ERCC5: variants seen among roughly 807,000 people sequenced by gnomAD.
The protein encoded by ERCC5 is ERCC excision repair 5, endonuclease, also known as DNA excision repair protein ERCC-5.
ERCC5 carries 68 observed loss-of-function variants against 105.6 expected under a neutral mutation model. That is an observed-to-expected ratio of 0.64 (90% CI 0.53 to 0.79). ERCC5 has a LOEUF of 0.79. ERCC5 is among the 30% of genes least tolerant of loss of function. The pLI, the probability that ERCC5 is intolerant of heterozygous loss-of-function variation, is 0.00. For missense variants in ERCC5, 1,373 were observed against 1,426.7 expected (o/e 0.96, Z 0.61); for synonymous variants, 546 against 526.2 (o/e 1.04, Z -0.51).
chr13:102,862,036 A>C lies in ERCC5; in HGVS notation c.887A>C (p.Gln296Pro). The C allele has an allele frequency of 6.2e-7, 1 of 1,614,256 alleles. No homozygotes were observed. The highest frequency in any genetic ancestry group is 8.5e-7 in the Non-Finnish European group (1 of 1,180,044). Reference protein sequence around the residue: ...TSHYILIKGIQAKTVAEVDSE... With the variant: ...TSHYILIKGIPAKTVAEVDSE... ...TGTTTTAATTCTTCTTAAGGTATTC[A>C]AGCTAAGACAGTTGCAGAAGTGGAT... The change falls in exon 8 of 15, where the codon CAA (glutamine) becomes CCA (proline). Residue 296 changes from glutamine (Q) to proline (P), a missense_variant. Around this residue, in one of 3 missense-constraint regions of ERCC5, gnomAD observed 1,004 missense variants for 1,059.7 expected, o/e 0.95. Transcript: ENST00000652225.
Position 102,875,448 on chromosome 13 carries a change from G to A in ERCC5, c.3106G>A (p.Ala1036Thr), listed in dbSNP as rs144208043. The A allele has an allele frequency of 1.2e-3, 2,001 of 1,614,188 alleles. 1 individual carries two copies. The highest frequency in any genetic ancestry group is 1.6e-3 in the Non-Finnish European group (1,884 of 1,180,034). The part of the protein sequence containing the change: ...EKEAAASEIE[A>T]VSVAMEKEFE... ...AGAAGCAGCAGCCAGCGAAATAGAA[G>A]CAGTTTCTGTTGCCATGGAGAAAGA... Residue 1036 changes from alanine (A) to threonine (T), a missense_variant, in exon 15 of 15, where the codon GCA becomes ACA. Around this residue, in one of 3 missense-constraint regions of ERCC5, gnomAD observed 367 missense variants for 350.2 expected, o/e 1.05. Transcript: ENST00000652225.
chr13:102,866,587 G>GC lies in ERCC5; in HGVS notation c.2320-44dup, dbSNP rs752111384. 7.3e-5 allele frequency: 117 copies of GC among 1,610,248 alleles called. No homozygotes were observed. In the Admixed American group the frequency reaches 1.9e-3, roughly 26 times the overall value. On this transcript the variant is annotated intron_variant, in intron 10 of 14. Coordinates refer to ENST00000652225, the MANE Select transcript of ERCC5 (RefSeq NM_000123.4). ...CTGCTCCCCCTGTGCTCAGGGCCTG[G>GC]CGGTGCCCTTCCCTGGGCGTCACTG...
intron 3 of ERCC5, 111 bp from the exon 4 acceptor site, chr13:102,854,177 C>T (rs561956952): frequency 4.2e-5 from 49 of 1,166,766 alleles, no homozygotes; most frequent in African/African-American, 1.1e-4. Context: ...TCCTTTCTCT[C>T]GGCTGCATTT....
chr13:102,846,099 C>T lies in ERCC5; in HGVS notation c.-168C>T. The T allele has an allele frequency of 3.2e-6, 2 of 618,152 alleles. No individual in the cohort carries two copies. The highest frequency in any genetic ancestry group is 5.6e-5 in the Admixed American group (2 of 35,934). The allele number at this position is 618,152 out of a possible 1,614,324, so 38.3% of individuals were successfully genotyped here. ...GAGTCTCTCCGCTTTAATGCGCTCC[C>T]ATTAGTGCCGTCCCCCACTGGAAAA... On this transcript the variant is annotated 5_prime_UTR_variant, in exon 1 of 15. Coordinates refer to ENST00000652225, the MANE Select transcript of ERCC5 (RefSeq NM_000123.4).
chr13:102,871,271 G>A (rs979959703), intron 12 of ERCC5, among the ~76,000 whole-genome samples: 11 of 152,220 alleles, frequency 7.2e-5, no homozygotes, highest in Non-Finnish European at 1.2e-4. Context: ...CACGGCTTGA[G>A]TCACACTGGT....
At chr13:102,873,124 A>T in intron 13 of ERCC5, 135 bp from the exon 14 acceptor site, 1 of 949,216 alleles carries the variant, frequency 1.1e-6, no homozygotes, top group Non-Finnish European at 1.6e-6. Context: ...ACTTTCTTTT[A>T]GCACTCTAAT....
At chr13:102,846,504 A>G (rs1228592736) in intron 1 of ERCC5, 150 bp downstream of exon 1, 1 of 721,206 alleles carries the variant, frequency 1.4e-6, no homozygotes, top group South Asian at 1.6e-5. Flanking sequence ...TAGGTTTTCT[A>G]AGTACAGTCG....
chr13:102,849,265 C>T, intron 1 of ERCC5: 1 of 518,128 alleles, frequency 1.9e-6, no homozygotes, highest in South Asian at 1.4e-5. Context: ...TATTGTAACT[C>T]ATTTTAGAAC....
At chr13:102,861,971 A>G (rs1290128628) in intron 7 of ERCC5, 59 bp from the exon 8 acceptor site, 12 of 1,592,764 alleles carry the variant, frequency 7.5e-6, no homozygotes, top group Non-Finnish European at 8.6e-6. Context: ...CCATCTTACT[A>G]GAAGCGTATT....
Position 102,866,716 on chromosome 13 carries a change from C to G in ERCC5, c.2404C>G (p.Gln802Glu). ...AQCAILDLTDQTSGTITDDSD... is the reference protein window; with the variant it reads ...AQCAILDLTDETSGTITDDSD... ...GTGCGCCATCCTGGACCTGACTGAT[C>G]AGACTTCCGGAACCATCACTGATGA... Residue 802 changes from glutamine (Q) to glutamate (E), a missense_variant, in exon 11 of 15, where the codon CAG becomes GAG. Physicochemically the swap from Gln to Glu is conservative, Grantham distance 29. Transcript: ENST00000652225. The G allele has an allele frequency of 1.2e-6, 2 of 1,614,264 alleles. No homozygotes were observed. Among genetic ancestry groups the G allele is most frequent in the Non-Finnish European group, 1.7e-6 (2 of 1,180,054 alleles).
At chr13:102,856,321 C>A (rs1420403011) in intron 5 of ERCC5, among the ~76,000 whole-genome samples, 1 of 151,372 alleles carries the variant, frequency 6.6e-6, no homozygotes, top group Non-Finnish European at 1.5e-5. Context: ...ATGGAATTTG[C>A]CATTATGCAC....
intron 3 of ERCC5, 95 bp from the exon 4 acceptor site, chr13:102,854,193 C>T: frequency 7.6e-7 from 1 of 1,310,244 alleles, no homozygotes; most frequent in Non-Finnish European, 1.1e-6. Context: ...CATTTATTTT[C>T]CACAGCAGTG....
rs1190190828 is a variant in ERCC5, at chr13:102,862,329, G to T, written c.1180G>T (p.Ala394Ser). Reference protein sequence around the residue: ...SPRTLSAIKRALDDDEDVKVC... With the variant: ...SPRTLSAIKRSLDDDEDVKVC... The stretch of plus-strand genomic sequence containing the variant: ...CCGGACTCTTTCAGCCATTAAGAGA[G>T]CTCTTGACGATGACGAAGATGTAAA... The change falls in exon 8 of 15, where the codon GCT becomes TCT. Residue 394 changes from alanine (A) to serine (S), a missense_variant. This residue lies in a region of ERCC5 where 1,004 missense variants were observed against 1,059.7 expected (regional missense o/e 0.95). Coordinates refer to ENST00000652225, the MANE Select transcript of ERCC5 (RefSeq NM_000123.4). The T allele has an allele frequency of 6.2e-7, 1 of 1,614,182 alleles. No individual in the cohort carries two copies.
Position 102,875,248 on chromosome 13 carries a change from T to C in ERCC5, c.2965-59T>C, listed in dbSNP as rs560603244. The stretch of plus-strand genomic sequence containing the variant: ...ATCAAGGTTGAGCTTGTTGATTTGG[T>C]TTAGAAACTTGACTTACTTGTCTGA... On this transcript the variant is annotated intron_variant, in intron 14 of 14. Transcript: ENST00000652225. 6.9e-5 allele frequency: 108 copies of C among 1,571,136 alleles called. No homozygotes were observed. The South Asian group carries it at 1.2e-3, about 17-fold the overall frequency.
In ERCC5 at chr13:102,858,369, T is replaced by A. The variant is rs748448875; in HGVS notation, c.623T>A (p.Met208Lys). The change falls in exon 6 of 15, where the codon ATG (methionine) becomes AAG (lysine). Residue 208 changes from methionine (M) to lysine (K), a missense_variant. Transcript: ENST00000652225. ...GTAAAGCATGAAATCTTGACTGATA[T>A]GAAAGAGTTCACCAAGCGCAGAAGA... ...PEVKHEILTD[M>K]KEFTKRRRTL... 6.2e-7 allele frequency: 1 copy of A among 1,614,040 alleles called. No individual in the cohort carries two copies. The highest frequency in any genetic ancestry group is 1.3e-5 in the African/African-American group (1 of 74,938).
At chr13:102,849,230 CACT>C (rs747753461) in intron 1 of ERCC5, 68 of 518,638 alleles carry the variant, frequency 1.3e-4, no homozygotes, top group Admixed American at 1.2e-3. Flanking sequence ...TGGTCTCCAC[CACT>C]ACTGTCTGCG....
chr13:102,870,196 G>C (rs1325771339), intron 12 of ERCC5, among the ~76,000 whole-genome samples: 1 of 152,170 alleles, frequency 6.6e-6, no homozygotes, highest in Non-Finnish European at 1.5e-5. Flanking sequence ...AGTCACATTT[G>C]GTTTGGACTA....
In ERCC5 at chr13:102,865,294, A is replaced by C; in HGVS notation, c.1955-373A>C. On this transcript the variant is annotated intron_variant, in intron 8 of 14. Transcript: ENST00000652225. The surrounding 1 kb of genome is among the most constrained non-coding windows in gnomAD (Gnocchi z 4.0). ...CACAGCTTTATTCTGTGCTGTGTAA[A>C]TAGCATAAAAACATACTGAGCAACT... The C allele has an allele frequency of 6.1e-6, 2 of 326,658 alleles. No homozygotes were observed. Among genetic ancestry groups the C allele is most frequent in the East Asian group, 1.6e-4 (2 of 12,258 alleles). The allele number at this position is 326,658 out of a possible 1,614,324, so 20.2% of individuals were successfully genotyped here. A position where few individuals can be genotyped will look rare whatever the true frequency, so the allele number is the denominator to read the frequency against.
chr13:102,858,169 A>T, intron 5 of ERCC5, 106 bp from the exon 6 acceptor site: 1 of 1,500,028 alleles, frequency 6.7e-7, no homozygotes. Context: ...ATTGTTGATT[A>T]TGTAGAACTG....
Sources: allele counts gnomAD v4.1 joint callset (sites outside exome capture counted in the v4.1 genomes callset), GRCh38; gene constraint gnomAD v4.1.1; regional missense constraint gnomAD v4.1.1; non-coding constraint Gnocchi (gnomAD v3.1); transcripts MANE v1.5; gene names NCBI Gene and HGNC (gene_info 2026-07-23, HGNC 2026-07-21).